The following PRKAR2A variants were observed in gnomAD, a reference collection of about 807,000 sequenced individuals.
PRKAR2A encodes protein kinase cAMP-dependent type II regulatory subunit alpha.
In PRKAR2A, 29 loss-of-function variants were observed where a neutral mutation model predicts 51.9. The ratio of observed to expected loss-of-function variants is 0.56; its 90% CI spans 0.42 to 0.76. The LOEUF is 0.76. PRKAR2A is among the 30% of genes least tolerant of loss of function. PRKAR2A has a pLI of 0.00. For synonymous variants in PRKAR2A, 178 were observed against 186.2 expected, an observed-to-expected ratio of 0.96 and a Z score of 0.36; for missense variants, 445 against 512.1, an observed-to-expected ratio of 0.87 and a Z score of 1.26.
intron 1 of PRKAR2A, among the ~76,000 whole-genome samples, chr3:48,845,620 C>G (rs1057341686): frequency 6.6e-6 from 1 of 152,160 alleles, no homozygotes; most frequent in Non-Finnish European, 1.5e-5. Context: ...ACTGTAATAG[C>G]TTCTTAACAC....
chr3:48,834,393 G>C (rs2083245801), intron 1 of PRKAR2A, among the ~76,000 whole-genome samples: 1 of 152,018 alleles, frequency 6.6e-6, no homozygotes. Flanking sequence ...ACAAAAAAGA[G>C]CTAAAATTGT....
chr3:48,787,281 G>T (rs1037311155), intron 4 of PRKAR2A, among the ~76,000 whole-genome samples: 4 of 152,034 alleles, frequency 2.6e-5, no homozygotes, highest in Non-Finnish European at 5.9e-5. Flanking sequence ...TGCCTCCTGG[G>T]TTCAAGCGAT....
chr3:48,835,269 C>T (rs1463627508), intron 1 of PRKAR2A, among the ~76,000 whole-genome samples: 1 of 151,508 alleles, frequency 6.6e-6, no homozygotes, highest in African/African-American at 2.4e-5. Flanking sequence ...CTATGCTTGG[C>T]CTGGCAGATA....
intron 2 of PRKAR2A, among the ~76,000 whole-genome samples, chr3:48,795,688 AACC>A (rs1237006409): frequency 2.0e-5 from 3 of 152,088 alleles, no homozygotes; most frequent in African/African-American, 7.2e-5. Flanking sequence ...AGGCATGTGC[AACC>A]ACACCCAGCT....
intron 1 of PRKAR2A, among the ~76,000 whole-genome samples, chr3:48,831,970 C>T (rs530250805): frequency 2.0e-5 from 3 of 152,284 alleles, no homozygotes; most frequent in African/African-American, 7.2e-5. Context: ...TCTTTGCACA[C>T]GTATCTTGTG....
At chr3:48,839,130 A>T (rs1280762899) in intron 1 of PRKAR2A, among the ~76,000 whole-genome samples, 1 of 150,814 alleles carries the variant, frequency 6.6e-6, no homozygotes, top group Non-Finnish European at 1.5e-5. Flanking sequence ...TCTACTAAAA[A>T]CACAAACATT....
chr3:48,749,629 C>A lies in PRKAR2A; in HGVS notation c.*1956G>T, dbSNP rs1435811283. The A allele has an allele frequency of 6.6e-6, 1 of 152,036 alleles. No homozygotes were observed. The highest frequency in any genetic ancestry group is 2.4e-5 in the African/African-American group (1 of 41,358). The allele number at this position is 152,036 out of a possible 1,614,324, so 9.4% of individuals were successfully genotyped here. A position where few individuals can be genotyped will look rare whatever the true frequency, so the allele number is the denominator to read the frequency against. On this transcript the variant is annotated 3_prime_UTR_variant, in exon 11 of 11. Transcript: ENST00000265563. ...TCAAGTAGCTGGGATTACAGGCGCC[C>A]ACCACCATGCCCAGCTAATTTTTTG...
chr3:48,749,053 G>T lies in PRKAR2A; in HGVS notation c.*2532C>A, dbSNP rs563555883. Reference sequence around the variant, plus strand: ...AAAAGCGGAAAGCCTAGCTTATGTGGATAGTTGAAGGTGACTGTGTGGGCC... The same window carrying T: ...AAAAGCGGAAAGCCTAGCTTATGTGTATAGTTGAAGGTGACTGTGTGGGCC... On this transcript the variant is annotated 3_prime_UTR_variant, in exon 11 of 11. Coordinates refer to ENST00000265563, the MANE Select transcript of PRKAR2A (RefSeq NM_004157.4). 1 of 152,330 alleles carries T rather than the reference G, an allele frequency of 6.6e-6. No homozygotes were observed. The highest frequency in any genetic ancestry group is 2.1e-4 in the South Asian group (1 of 4,826). The allele number at this position is 152,330 out of a possible 1,614,324, so 9.4% of individuals were successfully genotyped here.
At chr3:48,813,247 A>G (rs1353897340) in intron 1 of PRKAR2A, among the ~76,000 whole-genome samples, 1 of 151,804 alleles carries the variant, frequency 6.6e-6, no homozygotes, top group African/African-American at 2.4e-5. Flanking sequence ...AAAAAAAAAA[A>G]AAAAAAATTA....
chr3:48,825,028 CTTTTT>C (rs1168503342), intron 1 of PRKAR2A, among the ~76,000 whole-genome samples: 1 of 74,688 alleles, frequency 1.3e-5, no homozygotes, highest in African/African-American at 5.2e-5. Flanking sequence ...ATTTTCTTTT[CTTTTT>C]TTTTTTTTTT....
chr3:48,816,509 G>A (rs143860322), intron 1 of PRKAR2A, among the ~76,000 whole-genome samples: 11 of 152,106 alleles, frequency 7.2e-5, no homozygotes, highest in East Asian at 1.9e-4. Flanking sequence ...GTGGTGGCGC[G>A]TGACTGTAGT....
chr3:48,780,396 G>A (rs1404941752), intron 5 of PRKAR2A, among the ~76,000 whole-genome samples: 1 of 151,994 alleles, frequency 6.6e-6, no homozygotes, highest in Admixed American at 6.6e-5. Context: ...GAGGTCAGGA[G>A]TTCGAGACCA....
chr3:48,809,595 CAAAAA>C (rs57623385), intron 1 of PRKAR2A, among the ~76,000 whole-genome samples: 1 of 49,350 alleles, frequency 2.0e-5, no homozygotes, highest in Non-Finnish European at 3.3e-5. Flanking sequence ...GACTCCATCT[CAAAAA>C]AAAAAAAAAA....
At chr3:48,832,296 C>CAAAAAAAAAAAAAACAAAAAAAA (rs2083201942) in intron 1 of PRKAR2A, among the ~76,000 whole-genome samples, 1 of 72,608 alleles carries the variant, frequency 1.4e-5, no homozygotes, top group African/African-American at 5.1e-5. Context: ...AACTTCATCT[C>CAAAAAAAAAAAAAACAAAAAAAA]AAAAAAAAAA....
chr3:48,764,947 G>T, intron 8 of PRKAR2A, 57 bp downstream of exon 8: 1 of 1,471,818 alleles, frequency 6.8e-7, no homozygotes, highest in Non-Finnish European at 9.5e-7. Flanking sequence ...GATAAATGAT[G>T]TACTAGTTCT....
chr3:48,774,631 T>G (rs535458485), intron 5 of PRKAR2A, among the ~76,000 whole-genome samples: 1 of 152,210 alleles, frequency 6.6e-6, no homozygotes, highest in Non-Finnish European at 1.5e-5. Flanking sequence ...ATTCTCTATG[T>G]CTACGATATC....
Position 48,793,870 on chromosome 3 carries a change from A to C in PRKAR2A, c.351+127T>G. ...ATGCAACTTTCAATTTGTTAGATTA[A>C]AAATGTCACTTCAGTGATATTTTAA... On this transcript the variant is annotated intron_variant, in intron 3 of 10. Transcript: ENST00000265563. 5 of 835,922 alleles carry C rather than the reference A, an allele frequency of 6.0e-6. No individual in the cohort carries two copies. In the South Asian group the frequency reaches 7.6e-5, roughly 13 times the overall value. 51.8% of individuals were successfully genotyped at this position (835,922 alleles called of 1,614,324 possible). A position where few individuals can be genotyped will look rare whatever the true frequency, so the allele number is the denominator to read the frequency against.
chr3:48,800,229 G>A (rs2082564707), intron 2 of PRKAR2A, among the ~76,000 whole-genome samples: 1 of 151,512 alleles, frequency 6.6e-6, no homozygotes, highest in Admixed American at 6.6e-5. Flanking sequence ...TACTAATTTG[G>A]GAGGGCTGGG....
intron 1 of PRKAR2A, among the ~76,000 whole-genome samples, chr3:48,835,635 G>C (rs1349032608): frequency 7.5e-6 from 1 of 132,894 alleles, no homozygotes; most frequent in Non-Finnish European, 1.6e-5. Context: ...GCAAGACTCC[G>C]TCTCAAAAAA....
Sources: gnomAD v4.1 joint callset for allele counts (sites outside exome capture counted in the v4.1 genomes callset) on GRCh38, gnomAD v4.1.1 for gene constraint, MANE v1.5 for transcripts, NCBI Gene and HGNC (gene_info 2026-07-23, HGNC 2026-07-21) for gene names.